The following AKAP6 variants were observed in gnomAD, a reference collection of about 807,000 sequenced individuals.
AKAP6 encodes A-kinase anchoring protein 6.
Under a neutral mutation model 188.5 loss-of-function variants are expected in AKAP6, and 58 were observed. The ratio of observed to expected loss-of-function variants is 0.31; its 90% CI spans 0.25 to 0.38. The LOEUF (loss-of-function observed/expected upper bound fraction) is 0.38, where lower values mean the gene tolerates loss of function less well. Among genes scored for constraint, AKAP6 ranks in the 10% least tolerant of loss-of-function variants. The pLI, the probability that AKAP6 is intolerant of heterozygous loss-of-function variation, is 1.00. For missense variants in AKAP6, 2,710 were observed against 2,740.0 expected (o/e 0.99, Z 0.24); for synonymous variants, 989 against 998.6 (o/e 0.99, Z 0.18).
chr14:32,660,650 T>G (rs1218238524), intron 7 of AKAP6, among the ~76,000 whole-genome samples: 2 of 152,098 alleles, frequency 1.3e-5, no homozygotes, highest in African/African-American at 4.8e-5. Context: ...TAAAGGAGTT[T>G]GTGAGGCCTA....
At chr14:32,662,460 G>T (rs1449621961) in intron 7 of AKAP6, among the ~76,000 whole-genome samples, 4 of 152,104 alleles carry the variant, frequency 2.6e-5, no homozygotes, top group African/African-American at 9.7e-5. Context: ...GAAACCAGAT[G>T]AATCATCAGA....
intron 1 of AKAP6, among the ~76,000 whole-genome samples, chr14:32,334,915 G>C (rs1338492569): frequency 1.3e-5 from 2 of 152,202 alleles, no homozygotes; most frequent in East Asian, 3.8e-4. Context: ...TGAGTCACAA[G>C]GGTAAGTAGG....
At chr14:32,648,634 C>T (rs972336830) in intron 7 of AKAP6, among the ~76,000 whole-genome samples, 1 of 152,128 alleles carries the variant, frequency 6.6e-6, no homozygotes, top group African/African-American at 2.4e-5. Flanking sequence ...ATGCTGAAGA[C>T]AGCTTTTATG....
intron 2 of AKAP6, among the ~76,000 whole-genome samples, chr14:32,510,396 ATATATATG>A (rs1314808620): frequency 0.015 from 1,236 of 82,392 alleles, 46 homozygotes; most frequent in African/African-American, 0.054. Flanking sequence ...ATATATGTGT[ATATATATG>A]TATATATATG....
chr14:32,637,073 T>C (rs1387043712), intron 7 of AKAP6, among the ~76,000 whole-genome samples: 12 of 152,088 alleles, frequency 7.9e-5, no homozygotes, highest in Admixed American at 7.2e-4. Flanking sequence ...ATCATCTCTA[T>C]TTATAATTTC....
chr14:32,435,908 A>G (rs1171051769), intron 2 of AKAP6, among the ~76,000 whole-genome samples: 1 of 152,212 alleles, frequency 6.6e-6, no homozygotes. Flanking sequence ...TATTCGTATA[A>G]TATTTCTTTA....
At chr14:32,613,086 C>G (rs1174165313) in intron 7 of AKAP6, among the ~76,000 whole-genome samples, 1 of 152,190 alleles carries the variant, frequency 6.6e-6, no homozygotes, top group East Asian at 1.9e-4. Context: ...TTATACACTT[C>G]TAGACATTTG....
At chr14:32,690,688 T>G (rs1890141038) in intron 8 of AKAP6, among the ~76,000 whole-genome samples, 1 of 152,180 alleles carries the variant, frequency 6.6e-6, no homozygotes, top group Non-Finnish European at 1.5e-5. Context: ...CATCTATTTC[T>G]CTATAGCCTT....
intron 1 of AKAP6, among the ~76,000 whole-genome samples, chr14:32,360,909 A>G (rs934186137): frequency 1.3e-5 from 2 of 151,696 alleles, no homozygotes; most frequent in Non-Finnish European, 2.9e-5. Flanking sequence ...ATGCCCAGCT[A>G]ATTAAAAAAA....
intron 4 of AKAP6, among the ~76,000 whole-genome samples, chr14:32,549,987 G>A (rs1033469337): frequency 2.6e-5 from 4 of 152,234 alleles, no homozygotes; most frequent in African/African-American, 9.6e-5. Context: ...GAGGAAGGGA[G>A]GGGAGTGTTG....
At chr14:32,474,955 T>C (rs61982968) in intron 2 of AKAP6, among the ~76,000 whole-genome samples, 1 of 151,758 alleles carries the variant, frequency 6.6e-6, no homozygotes, top group Non-Finnish European at 1.5e-5. Context: ...TGTAGCACAT[T>C]TGTTCTCAGT....
At chr14:32,346,270 A>G (rs1364533980) in intron 1 of AKAP6, among the ~76,000 whole-genome samples, 1 of 152,190 alleles carries the variant, frequency 6.6e-6, no homozygotes, top group African/African-American at 2.4e-5. Context: ...TCAGGGAGCT[A>G]AGACTCTGAT....
At chr14:32,735,458 G>A (rs1370533908) in intron 10 of AKAP6, among the ~76,000 whole-genome samples, 200 bp from the exon 11 acceptor site, 1 of 152,070 alleles carries the variant, frequency 6.6e-6, no homozygotes, top group Non-Finnish European at 1.5e-5. Flanking sequence ...AATACTAAAT[G>A]GAACAATGAC....
chr14:32,734,190 A>G (rs985144025), intron 10 of AKAP6: 1 of 152,170 alleles, frequency 6.6e-6, no homozygotes, highest in African/African-American at 2.4e-5. Context: ...ACCACCAGGC[A>G]TACTGTTTTA....
chr14:32,341,989 G>C (rs539803057), intron 1 of AKAP6, among the ~76,000 whole-genome samples: 81 of 152,130 alleles, frequency 5.3e-4, no homozygotes, highest in Non-Finnish European at 9.0e-4. Context: ...TCTATCCTGG[G>C]TGACAGAGCA....
intron 1 of AKAP6, among the ~76,000 whole-genome samples, chr14:32,432,765 C>T (rs1367532134): frequency 6.6e-6 from 1 of 152,156 alleles, no homozygotes; most frequent in East Asian, 1.9e-4. Flanking sequence ...TTGAATATTT[C>T]TAGTAGAAAA....
At chr14:32,476,347 T>G (rs766842032) in intron 2 of AKAP6, among the ~76,000 whole-genome samples, 4 of 152,082 alleles carry the variant, frequency 2.6e-5, no homozygotes, top group Non-Finnish European at 5.9e-5. Context: ...CCTTACTGAG[T>G]TGAGAGGCTT....
At chr14:32,486,405 G>A (rs538520751) in intron 2 of AKAP6, among the ~76,000 whole-genome samples, 1 of 152,142 alleles carries the variant, frequency 6.6e-6, no homozygotes, top group Non-Finnish European at 1.5e-5. Flanking sequence ...ATTAATTTGG[G>A]CATTATGGCT....
Position 32,546,357 on chromosome 14 carries a change from G to A in AKAP6, c.1704G>A (p.Leu568=). Residue 568 remains leucine, a synonymous_variant, in exon 4 of 14, where the codon TTG becomes TTA. Coordinates refer to ENST00000280979, the MANE Select transcript of AKAP6 (RefSeq NM_004274.5). ...NQRSWNAKLQ[L]QSETSSSPAF... ...GAAGTTGGAATGCCAAATTGCAATT[G>A]CAGTCAGAAACATCCAGTTCACCAG... is the stretch of plus-strand genomic sequence containing the variant. 3 of 1,614,142 alleles carry A rather than the reference G, an allele frequency of 1.9e-6. No individual in the cohort carries two copies. Among genetic ancestry groups the A allele is most frequent in the East Asian group, 2.2e-5 (1 of 44,882 alleles).
Sources: gnomAD v4.1 joint callset for allele counts (sites outside exome capture counted in the v4.1 genomes callset) on GRCh38, gnomAD v4.1.1 for gene constraint, MANE v1.5 for transcripts, NCBI Gene and HGNC (gene_info 2026-07-23, HGNC 2026-07-21) for gene names.